Variants in SGSM2 observed in about 807,000 individuals in gnomAD.
SGSM2 encodes RUN and TBC1 domain containing 1.
A neutral mutation model predicts 126.6 loss-of-function variants in SGSM2; 89 were observed. That is an observed-to-expected ratio of 0.70 (90% CI 0.59 to 0.84). The LOEUF is 0.84. Among genes scored for constraint, SGSM2 ranks in the 40% least tolerant of loss-of-function variants. The probability of loss-of-function intolerance (pLI) is 0.00; values close to 1 mark genes in which losing one functional copy is unlikely to be tolerated. For synonymous variants in SGSM2, 614 were observed against 574.3 expected (o/e 1.07, Z -0.99); for missense variants, 1,404 against 1,416.6 (o/e 0.99, Z 0.14).
In SGSM2 at chr17:2,362,088, G is replaced by T; in HGVS notation, c.297-21G>T. On this transcript the variant is annotated intron_variant, in intron 3 of 23. Coordinates refer to ENST00000268989, the MANE Select transcript of SGSM2 (RefSeq NM_014853.3). The surrounding 1 kb of genome is among the most constrained non-coding windows in gnomAD (Gnocchi z 4.9). ...TTACCCCTAGACCACTGCACTCCTG[G>T]AGCCCTCCCCGCCTTTGCAGGAAAC... 2 of 1,603,612 alleles carry T rather than the reference G, an allele frequency of 1.2e-6. No individual in the cohort carries two copies. Among genetic ancestry groups the T allele is most frequent in the Non-Finnish European group, 1.7e-6 (2 of 1,176,176 alleles).
rs1055252834 is a variant in SGSM2 at position 2,367,194 on chromosome 17, TC to T, written c.1289-73del. 3.4e-6 allele frequency: 5 copies of T among 1,489,612 alleles called. No individual in the cohort carries two copies. In the African/African-American group the frequency reaches 6.9e-5, roughly 21 times the overall value. The allele number at this position is 1,489,612 out of a possible 1,614,324, so 92.3% of individuals were successfully genotyped here. On this transcript the variant is annotated intron_variant, in intron 11 of 23. Transcript: ENST00000268989. The surrounding 1 kb of genome is among the most constrained non-coding windows in gnomAD (Gnocchi z 4.0). ...ACGATGACCCCGGCCTCCATTCCAC[TC>T]CCCTTAAGGAGGGAGTCCGTCCTGC...
At chr17:2,378,087 C>T in intron 22 of SGSM2, 134 bp downstream of exon 22, 2 of 567,762 alleles carry the variant, frequency 3.5e-6, no homozygotes, top group East Asian at 3.1e-5. Flanking sequence ...AGAACCCTGG[C>T]CCCACCCAGC....
At chr17:2,376,410 C>A (rs1181227823) in intron 19 of SGSM2, 149 bp downstream of exon 19, 3 of 926,672 alleles carry the variant, frequency 3.2e-6, no homozygotes, top group Non-Finnish European at 4.8e-6. Context: ...TTCCTGCACA[C>A]CCCTCCCCCG....
At chr17:2,340,868 G>A (rs971021623) in intron 1 of SGSM2, among the ~76,000 whole-genome samples, 7 of 152,226 alleles carry the variant, frequency 4.6e-5, no homozygotes, top group African/African-American at 1.2e-4. Context: ...ATAGTCGTGA[G>A]CCACCACGCC....
intron 12 of SGSM2, among the ~76,000 whole-genome samples, chr17:2,370,696 C>A (rs908300936): frequency 1.3e-5 from 2 of 152,218 alleles, no homozygotes; most frequent in African/African-American, 2.4e-5. Flanking sequence ...ACTGCTCATC[C>A]GTAGCCACTG....
intron 19 of SGSM2, 124 bp downstream of exon 19, chr17:2,376,385 G>C: frequency 7.7e-7 from 1 of 1,300,778 alleles, no homozygotes; most frequent in Non-Finnish European, 1.1e-6. Context: ...GGCTCCCCCT[G>C]CCTGGAACGC....
intron 2 of SGSM2, among the ~76,000 whole-genome samples, chr17:2,358,504 T>C (rs768049799): frequency 1.9e-4 from 29 of 152,106 alleles, no homozygotes; most frequent in Non-Finnish European, 2.8e-4. Context: ...GAGCCAGGCA[T>C]TGGAGACCAG....
rs761921454 is a variant in SGSM2, at chr17:2,379,276, G to A, written c.3067+73G>A. 4 of 1,581,074 alleles carry A rather than the reference G, an allele frequency of 2.5e-6. No individual in the cohort carries two copies. In the Admixed American group the frequency reaches 6.8e-5, roughly 27 times the overall value. On this transcript the variant is annotated intron_variant, in intron 23 of 23. Coordinates refer to ENST00000268989, the MANE Select transcript of SGSM2 (RefSeq NM_014853.3). ...GGCCCCCACCTCTGCCCCGCACACAGCTGGAGGGTTCTCAGGAATCCTGGG... is the reference window on the plus strand; with the variant it reads ...GGCCCCCACCTCTGCCCCGCACACAACTGGAGGGTTCTCAGGAATCCTGGG...
intron 17 of SGSM2, chr17:2,374,528 G>A (rs1358213741): frequency 6.6e-6 from 1 of 152,122 alleles, no homozygotes; most frequent in Non-Finnish European, 1.5e-5. Context: ...AGTGAGCCGT[G>A]ATACCACCAC....
In SGSM2 at chr17:2,363,100, G is replaced by A. The variant is rs774147456; in HGVS notation, c.638G>A (p.Arg213His). The A allele has an allele frequency of 9.9e-6, 16 of 1,611,602 alleles. No homozygotes were observed. Among genetic ancestry groups the A allele is most frequent in the Admixed American group, 5.0e-5 (3 of 59,768 alleles). The change falls in exon 6 of 24, where the codon CGC (arginine) becomes CAC (histidine). Residue 213 changes from arginine (R) to histidine (H), a missense_variant. Transcript: ENST00000268989. The surrounding 1 kb of genome is among the most constrained non-coding windows in gnomAD (Gnocchi z 4.2). ...QRHRIRGPPT[R>H]QDSPAKRPAL... ...CACCGCATCCGGGGTCCACCTACTC[G>A]CCAGGACTCCCCTGCAAAGCGCCCA...
Position 2,380,033 on chromosome 17 carries a change from C to T in SGSM2, c.*513C>T, listed in dbSNP as rs765016777. The T allele has an allele frequency of 1.1e-4, 156 of 1,407,312 alleles. No individual in the cohort carries two copies. The highest frequency in any genetic ancestry group is 1.3e-4 in the Non-Finnish European group (140 of 1,084,710). 87.2% of individuals were successfully genotyped at this position (1,407,312 alleles called of 1,614,324 possible). Reference sequence around the variant, plus strand: ...CTGCTTCTGGTTTAGGCACACGTCACGGGTGCGGGAGACCCGGGCACGGGA... The same window carrying T: ...CTGCTTCTGGTTTAGGCACACGTCATGGGTGCGGGAGACCCGGGCACGGGA... On this transcript the variant is annotated 3_prime_UTR_variant, in exon 24 of 24. Coordinates refer to ENST00000268989, the MANE Select transcript of SGSM2 (RefSeq NM_014853.3).
intron 1 of SGSM2, among the ~76,000 whole-genome samples, chr17:2,339,495 C>G (rs144303276): frequency 6.6e-6 from 1 of 151,522 alleles, no homozygotes; most frequent in Non-Finnish European, 1.5e-5. Context: ...GAGGCTGGGA[C>G]GGGCGGATCA....
At position 2,377,086 on chromosome 17, in the gene SGSM2, C is replaced by A. The variant is rs779071717; in HGVS notation, c.2802+18C>A. 1 of 1,558,300 alleles carries A rather than the reference C, an allele frequency of 6.4e-7. No individual in the cohort carries two copies. The highest frequency in any genetic ancestry group is 8.8e-7 in the Non-Finnish European group (1 of 1,133,382). On this transcript the variant is annotated intron_variant, in intron 21 of 23. Transcript: ENST00000268989. The stretch of plus-strand genomic sequence containing the variant: ...TCATCCAGGTGAGGCCGGTTGCCAC[C>A]CATGGGCATGGGAGCAGGCAGTGCT...
chr17:2,351,140 C>A (rs191102344), intron 2 of SGSM2, among the ~76,000 whole-genome samples: 2 of 152,182 alleles, frequency 1.3e-5, no homozygotes, highest in Admixed American at 1.3e-4. Context: ...GTAATCCCAG[C>A]TACTTGGGAG....
intron 16 of SGSM2, 72 bp from the exon 17 acceptor site, chr17:2,373,259 T>C: frequency 1.3e-6 from 2 of 1,563,844 alleles, no homozygotes; most frequent in East Asian, 2.3e-5. Context: ...CAAGGTCCAG[T>C]GCAGGCCCAG....
At chr17:2,343,649 G>A (rs1395583794) in intron 2 of SGSM2, 29 bp downstream of exon 2, 2 of 1,606,126 alleles carry the variant, frequency 1.2e-6, no homozygotes, top group African/African-American at 2.7e-5. Flanking sequence ...GATGATGGGA[G>A]GTCGGTCTAG....
chr17:2,374,881 C>G (rs1423613949), intron 17 of SGSM2, among the ~76,000 whole-genome samples: 3 of 152,104 alleles, frequency 2.0e-5, no homozygotes, highest in Non-Finnish European at 4.4e-5. Flanking sequence ...AAATCCCAAA[C>G]AGTCTCTGTA....
chr17:2,380,124 T>G lies in SGSM2; in HGVS notation c.*604T>G. The stretch of plus-strand genomic sequence containing the variant: ...GCAGTCGGAAGATGTGGGCCCTGGG[T>G]GGGAGCAGCCCACTTCAGCAGCACT... On this transcript the variant is annotated 3_prime_UTR_variant, in exon 24 of 24. Coordinates refer to ENST00000268989, the MANE Select transcript of SGSM2 (RefSeq NM_014853.3). 7.2e-7 allele frequency: 1 copy of G among 1,396,210 alleles called. No homozygotes were observed. The highest frequency in any genetic ancestry group is 9.3e-7 in the Non-Finnish European group (1 of 1,076,420). The allele number at this position is 1,396,210 out of a possible 1,614,324, so 86.5% of individuals were successfully genotyped here.
intron 1 of SGSM2, 88 bp from the exon 2 acceptor site, chr17:2,343,457 A>G: frequency 7.4e-7 from 1 of 1,342,292 alleles, no homozygotes; most frequent in African/African-American, 1.4e-5. Context: ...CCTTCAGACC[A>G]GAAGGGCGGA....
Sources: gnomAD v4.1 joint callset for allele counts (sites outside exome capture counted in the v4.1 genomes callset) on GRCh38, gnomAD v4.1.1 for gene constraint, Gnocchi (gnomAD v3.1) non-coding constraint, MANE v1.5 for transcripts, NCBI Gene and HGNC (gene_info 2026-07-23, HGNC 2026-07-21) for gene names.